The following RBM25 variants were observed in gnomAD, a reference collection of about 807,000 sequenced individuals.
RBM25 encodes RNA-binding protein 25.
A neutral mutation model predicts 120.7 loss-of-function variants in RBM25; 19 were observed. The observed-to-expected ratio is 0.16, with a 90% CI of 0.11 to 0.23. The LOEUF is 0.23. Among genes scored for constraint, RBM25 ranks in the 10% least tolerant of loss-of-function variants. The probability of loss-of-function intolerance (pLI) is 1.00; values close to 1 mark genes in which losing one functional copy is unlikely to be tolerated. For synonymous variants in RBM25, 390 were observed against 326.7 expected, an observed-to-expected ratio of 1.19 and a Z score of -2.09; for missense variants, 605 against 1,041.5, an observed-to-expected ratio of 0.58 and a Z score of 5.77.
intron 4 of RBM25, 22 bp from the exon 5 acceptor site, chr14:73,083,472 T>C: frequency 1.9e-6 from 3 of 1,544,322 alleles, no homozygotes; most frequent in Non-Finnish European, 2.6e-6. Context: ...TAGCAATCTG[T>C]TTGTTTTGTT....
chr14:73,093,624 A>G (rs1165171861), intron 6 of RBM25, among the ~76,000 whole-genome samples: 2 of 151,936 alleles, frequency 1.3e-5, no homozygotes, highest in African/African-American at 4.8e-5. Context: ...CTCCTGCCTC[A>G]ACCTCTTGAG....
At chr14:73,115,439 T>A (rs1194182912) in intron 18 of RBM25, among the ~76,000 whole-genome samples, 2 of 152,202 alleles carry the variant, frequency 1.3e-5, no homozygotes, top group Non-Finnish European at 2.9e-5. Flanking sequence ...GGTTTTCTGT[T>A]CCTGTGTTAG....
intron 7 of RBM25, among the ~76,000 whole-genome samples, chr14:73,098,094 ATAAAG>A (rs1241626390): frequency 1.3e-5 from 2 of 152,140 alleles, no homozygotes; most frequent in Non-Finnish European, 2.9e-5. Context: ...AGACCCTTCT[ATAAAG>A]TAAGAAAAAA....
At chr14:73,099,538 A>G in intron 8 of RBM25, 105 bp downstream of exon 8, 5 of 1,585,016 alleles carry the variant, frequency 3.2e-6, no homozygotes, top group Non-Finnish European at 3.4e-6. Context: ...AGATTGTTAG[A>G]TTTGTTATTG....
intron 4 of RBM25, among the ~76,000 whole-genome samples, chr14:73,080,513 G>A (rs770517835): frequency 6.6e-6 from 1 of 151,996 alleles, no homozygotes; most frequent in South Asian, 2.1e-4. Flanking sequence ...GTGAGCCACC[G>A]CGCCCGGCCC....
In RBM25 at chr14:73,119,878, G is replaced by T; in HGVS notation, c.*73G>T. The T allele has an allele frequency of 3.3e-6, 5 of 1,520,672 alleles. No homozygotes were observed. Among genetic ancestry groups the T allele is most frequent in the East Asian group, 2.4e-5 (1 of 41,586 alleles). The allele number at this position is 1,520,672 out of a possible 1,614,324, so 94.2% of individuals were successfully genotyped here. A position where few individuals can be genotyped will look rare whatever the true frequency, so the allele number is the denominator to read the frequency against. ...TTTTAAGGACTTTGAATTTTTCTTTGTCTTTGAAGACATTGTGAGATCTGT... is the reference window on the plus strand; with the variant it reads ...TTTTAAGGACTTTGAATTTTTCTTTTTCTTTGAAGACATTGTGAGATCTGT... On this transcript the variant is annotated 3_prime_UTR_variant, in exon 19 of 19. Transcript: ENST00000261973.
At chr14:73,073,963 A>G (rs1895352524) in intron 2 of RBM25, among the ~76,000 whole-genome samples, 1 of 152,214 alleles carries the variant, frequency 6.6e-6, no homozygotes, top group South Asian at 2.1e-4. Context: ...ATTCTACTGG[A>G]AGGCTCTAGC....
At chr14:73,104,679 AT>A (rs1896142767) in intron 10 of RBM25, among the ~76,000 whole-genome samples, 1 of 152,100 alleles carries the variant, frequency 6.6e-6, no homozygotes, top group Admixed American at 6.6e-5. Context: ...ATATTGAATT[AT>A]TTTGATGAGT....
chr14:73,078,234 T>A (rs1895470665), intron 4 of RBM25, among the ~76,000 whole-genome samples: 1 of 151,934 alleles, frequency 6.6e-6, no homozygotes, highest in Admixed American at 6.6e-5. Context: ...ACCCGTGAGA[T>A]GGAGGCTGCA....
chr14:73,107,974 T>C, intron 13 of RBM25, 75 bp downstream of exon 13: 1 of 968,860 alleles, frequency 1.0e-6, no homozygotes, highest in Non-Finnish European at 1.6e-6. Flanking sequence ...CAGTTGATAA[T>C]GCATGTTCAC....
intron 3 of RBM25, among the ~76,000 whole-genome samples, chr14:73,076,627 C>G (rs554558335): frequency 6.6e-6 from 1 of 152,286 alleles, no homozygotes; most frequent in Admixed American, 6.5e-5. Flanking sequence ...TCTTCATATA[C>G]TTGTTATTAC....
At chr14:73,067,542 C>T (rs970166145) in intron 1 of RBM25, among the ~76,000 whole-genome samples, 5 of 151,358 alleles carry the variant, frequency 3.3e-5, no homozygotes, top group Admixed American at 3.3e-4. Flanking sequence ...AGAGCTGGGA[C>T]TACAGGCATG....
At chr14:73,105,346 G>A (rs1213436311) in intron 10 of RBM25, among the ~76,000 whole-genome samples, 1 of 152,004 alleles carries the variant, frequency 6.6e-6, no homozygotes, top group Non-Finnish European at 1.5e-5. Context: ...TTAAATATTT[G>A]AGAACTTTCA....
rs1896299308 is a variant in RBM25 at position 73,110,972 on chromosome 14, T to C, written c.1834T>C (p.Cys612Arg). The change falls in exon 15 of 19, where the codon TGT becomes CGT. Residue 612 changes from cysteine to arginine, a missense_variant. Cys to Arg is a radical substitution (Grantham distance 180). Transcript: ENST00000261973. Reference protein sequence around the residue: ...EEEEEPEQKPCLKPTLRPISS... With the variant: ...EEEEEPEQKPRLKPTLRPISS... Reference sequence around the variant, plus strand: ...GGAAGAGGAGCCAGAGCAAAAGCCTTGTCTGAAACCTACTCTGAGGCCCAT... The same window carrying C: ...GGAAGAGGAGCCAGAGCAAAAGCCTCGTCTGAAACCTACTCTGAGGCCCAT... 1.2e-6 allele frequency: 2 copies of C among 1,613,368 alleles called. No individual in the cohort carries two copies. Among genetic ancestry groups the C allele is most frequent in the Admixed American group, 1.7e-5 (1 of 59,854 alleles).
intron 18 of RBM25, among the ~76,000 whole-genome samples, chr14:73,115,597 G>A (rs915068946): frequency 2.0e-5 from 3 of 152,120 alleles, no homozygotes; most frequent in East Asian, 3.9e-4. Flanking sequence ...TCAAATCCCC[G>A]TTGCATTTAA....
chr14:73,063,898 A>G lies in RBM25; in HGVS notation c.-16+5193A>G, dbSNP rs185661648. Among the ~76,000 whole-genome samples the G allele has an allele frequency of 5.9e-5, 9 of 151,498 alleles. 1 individual carries two copies. Among genetic ancestry groups the G allele is most frequent in the Non-Finnish European group, 1.0e-4 (7 of 67,578 alleles). ...GCCCTACACTCTACTCATAATACTC[A>G]GTATTTATTTCTGATTTTCTTCATT... On this transcript the variant is annotated intron_variant, in intron 1 of 18. Transcript: ENST00000261973.
intron 6 of RBM25, among the ~76,000 whole-genome samples, chr14:73,094,506 G>A (rs1895891295): frequency 1.3e-5 from 2 of 150,450 alleles, no homozygotes; most frequent in African/African-American, 2.4e-5. Context: ...GGAGTGCAGT[G>A]GCGTGATATT....
intron 7 of RBM25, 105 bp downstream of exon 7, chr14:73,097,205 T>TTTTC: frequency 1.3e-6 from 1 of 751,352 alleles, no homozygotes; most frequent in East Asian, 3.7e-5. Flanking sequence ...TCTTTTTTTT[T>TTTTC]TTTTTTTTTT....
At chr14:73,071,494 G>A (rs1056443957) in intron 1 of RBM25, 133 bp from the exon 2 acceptor site, 2 of 651,596 alleles carry the variant, frequency 3.1e-6, no homozygotes, top group Non-Finnish European at 5.4e-6. Flanking sequence ...TGAAAAGAGG[G>A]TCTTTGCCAA....
Sources: allele counts gnomAD v4.1 joint callset (sites outside exome capture counted in the v4.1 genomes callset), GRCh38; gene constraint gnomAD v4.1.1; transcripts MANE v1.5; gene names NCBI Gene and HGNC (gene_info 2026-07-23, HGNC 2026-07-21).